C19orf38: variants seen among roughly 807,000 people sequenced by gnomAD.
C19orf38 encodes the protein chromosome 19 open reading frame 38.
Under a neutral mutation model 26.6 loss-of-function variants are expected in C19orf38, and 14 were observed. That is an observed-to-expected ratio of 0.53 (90% CI 0.35 to 0.82). C19orf38 has a LOEUF of 0.82. Ranked by LOEUF, C19orf38 falls within the 40% of genes least tolerant of loss-of-function variation. The pLI, the probability that C19orf38 is intolerant of heterozygous loss-of-function variation, is 0.01. For synonymous variants in C19orf38, 132 were observed against 128.5 expected (o/e 1.03, Z -0.18); for missense variants, 261 against 299.5 (o/e 0.87, Z 0.95).
At chr19:10,855,621 C>T (rs139500334) in intron 2 of C19orf38, among the ~76,000 whole-genome samples, 125 of 152,022 alleles carry the variant, frequency 8.2e-4, no homozygotes, top group Non-Finnish European at 1.4e-3. Context: ...CTCCGCCTCC[C>T]GGGTTCAAGT....
intron 1 of C19orf38, among the ~76,000 whole-genome samples, chr19:10,849,254 C>T (rs2073545211): frequency 6.6e-6 from 1 of 152,172 alleles, no homozygotes; most frequent in African/African-American, 2.4e-5. Context: ...TTCCTGGGCT[C>T]AAGCAGTCCT....
upstream of C19orf38, among the ~76,000 whole-genome samples, chr19:10,847,894 TAGA>T (rs1318370884): frequency 6.6e-6 from 1 of 151,814 alleles, no homozygotes; most frequent in Non-Finnish European, 1.5e-5. Flanking sequence ...GGAGTTCTCT[TAGA>T]AGGAGAGACA....
chr19:10,850,502 T>C lies in C19orf38; in HGVS notation c.275T>C (p.Val92Ala). The C allele has an allele frequency of 6.4e-7, 1 of 1,550,962 alleles. No individual in the cohort carries two copies. Among genetic ancestry groups the C allele is most frequent in the Non-Finnish European group, 8.7e-7 (1 of 1,146,820 alleles). ...PGGPFHCQYG[V>A]LGELNQSQLS... ...GGACCCTTCCACTGCCAGTATGGAG[T>C]GTTAGGTGAGCTCAACCAGTCCCAG... The change falls in exon 2 of 7, where the codon GTG becomes GCG. Residue 92 changes from valine to alanine, a missense_variant. By Grantham distance (64) the Val-to-Ala change is moderately conservative (BLOSUM62 0). Transcript: ENST00000397820.
At chr19:10,842,064 G>T (rs1292913995) in intron 1 of C19orf38, 2 of 1,603,528 alleles carry the variant, frequency 1.2e-6, no homozygotes, top group African/African-American at 1.3e-5. Context: ...AATTTCAGTG[G>T]AATTATTGGA....
intron 1 of C19orf38, among the ~76,000 whole-genome samples, chr19:10,840,483 A>C (rs2073470834): frequency 6.6e-6 from 1 of 151,532 alleles, no homozygotes; most frequent in African/African-American, 2.4e-5. Context: ...AATTTTTGTA[A>C]TTATAATAAA....
upstream of C19orf38, among the ~76,000 whole-genome samples, chr19:10,847,862 C>T (rs2073530653): frequency 6.6e-6 from 1 of 152,098 alleles, no homozygotes; most frequent in Admixed American, 6.6e-5. Context: ...CATCCCACTG[C>T]TGTCACCCTG....
intron 1 of C19orf38, among the ~76,000 whole-genome samples, chr19:10,849,149 T>G (rs2073544248): frequency 6.8e-6 from 1 of 146,132 alleles, no homozygotes; most frequent in African/African-American, 2.5e-5. Context: ...CCCTCCCTCC[T>G]GCCATGATGG....
chr19:10,839,728 G>A lies in C19orf38; in HGVS notation c.-69+2958G>A, dbSNP rs908890527. ...ACATACCACAATCAATTTTTCTTTT[G>A]TTCTTTTTTTTTTTTTTTTTGAGAC... On this transcript the variant is annotated intron_variant, in intron 1 of 7. Coordinates refer to the C19orf38 transcript ENST00000592854. 1.4e-5 allele frequency among the ~76,000 whole-genome samples: 2 copies of A among 141,214 alleles called. 1 individual carries two copies. Among genetic ancestry groups the A allele is most frequent in the South Asian group, 4.5e-4 (2 of 4,482 alleles). The allele number at this position is 141,214 out of a possible 152,430, so 92.6% of individuals were successfully genotyped here.
In C19orf38 at chr19:10,848,528, T is replaced by C. The variant is rs1463532025; in HGVS notation, c.20T>C (p.Leu7Pro). 2.6e-6 allele frequency: 4 copies of C among 1,551,460 alleles called. No homozygotes were observed. Among genetic ancestry groups the C allele is most frequent in the African/African-American group, 1.4e-5 (1 of 73,024 alleles). ...AGAGAGATGCCCTGGACCATCTTGCTCTTTGCAGCTGGTGAGTCTGAAGCC... is the reference window on the plus strand; with the variant it reads ...AGAGAGATGCCCTGGACCATCTTGCCCTTTGCAGCTGGTGAGTCTGAAGCC... The part of the protein sequence containing the change: MPWTIL[L>P]FAAGSLAIPA... The change falls in exon 1 of 7, where the codon CTC becomes CCC. Residue 7 changes from leucine to proline, a missense_variant. Transcript: ENST00000397820.
At position 10,850,543 on chromosome 19, in the gene C19orf38, G is replaced by A. The variant is rs79573242; in HGVS notation, c.316G>A (p.Glu106Lys). Residue 106 changes from glutamate to lysine, a missense_variant, in exon 2 of 7, where the codon GAG becomes AAG. Physicochemically the swap from Glu to Lys is moderately conservative, Grantham distance 56. Transcript: ENST00000397820. ...LNQSQLSDLS[E>K]PVNVSFPVPT... ...CCAGTCCCAGCTGTCAGACCTCAGCGAGCCCGTGAACGTCTCCTTCCCAGG... is the reference window on the plus strand; with the variant it reads ...CCAGTCCCAGCTGTCAGACCTCAGCAAGCCCGTGAACGTCTCCTTCCCAGG... 7.7e-6 allele frequency: 12 copies of A among 1,551,550 alleles called. No individual in the cohort carries two copies. Among genetic ancestry groups the A allele is most frequent in the South Asian group, 7.1e-5 (6 of 84,060 alleles).
chr19:10,848,429 C>A lies in C19orf38; in HGVS notation c.-80C>A. ...CAGCCCTGGTTCTCCTTTCCCCGAT[C>A]TGGCCTCACAGGAGGAGTTGGCGGG... On this transcript the variant is annotated 5_prime_UTR_variant, in exon 1 of 7. The change creates a new upstream start codon in the 5' untranslated region. Transcript: ENST00000397820. The A allele has an allele frequency of 6.9e-7, 1 of 1,446,710 alleles. No individual in the cohort carries two copies. Among genetic ancestry groups the A allele is most frequent in the Non-Finnish European group, 9.5e-7 (1 of 1,052,764 alleles). The allele number at this position is 1,446,710 out of a possible 1,614,324, so 89.6% of individuals were successfully genotyped here.
At chr19:10,857,667 G>C (rs1599666556) in intron 3 of C19orf38, among the ~76,000 whole-genome samples, 1 of 151,782 alleles carries the variant, frequency 6.6e-6, no homozygotes. Context: ...CAGATCGCGA[G>C]GTCAGGAGTT....
At chr19:10,856,125 A>G (rs2073622836) in intron 2 of C19orf38, 140 bp from the exon 3 acceptor site, 1 of 632,204 alleles carries the variant, frequency 1.6e-6, no homozygotes, top group African/African-American at 1.8e-5. Context: ...AATTGGCCAG[A>G]CACAAAGTTT....
At chr19:10,853,547 A>G (rs1245442473) in intron 2 of C19orf38, among the ~76,000 whole-genome samples, 1 of 150,524 alleles carries the variant, frequency 6.6e-6, no homozygotes, top group Non-Finnish European at 1.5e-5. Context: ...CGGCCTCACA[A>G]AGTGCTGGAA....
chr19:10,853,719 G>C (rs1204146762), intron 2 of C19orf38, among the ~76,000 whole-genome samples: 1 of 150,734 alleles, frequency 6.6e-6, no homozygotes. Context: ...AGCCTCCCGA[G>C]TAGCTGGGAC....
At chr19:10,841,341 G>A (rs576464166) in intron 1 of C19orf38, among the ~76,000 whole-genome samples, 242 of 152,168 alleles carry the variant, frequency 1.6e-3, no homozygotes, top group African/African-American at 5.6e-3. Flanking sequence ...ATATTAGCCA[G>A]TTGTGGTGGC....
At chr19:10,842,212 A>G (rs1306852644) in intron 1 of C19orf38, 4 of 1,358,612 alleles carry the variant, frequency 2.9e-6, no homozygotes, top group Non-Finnish European at 4.2e-6. Flanking sequence ...GAAAACTTTC[A>G]GTGATGACTA....
upstream of C19orf38, among the ~76,000 whole-genome samples, chr19:10,847,692 A>G (rs889100914): frequency 2.6e-5 from 4 of 151,986 alleles, no homozygotes; most frequent in African/African-American, 7.2e-5. Context: ...TCTTAGCCCC[A>G]TTCTGCAGAG....
At chr19:10,856,963 ATTAT>A (rs2073632089) in intron 3 of C19orf38, among the ~76,000 whole-genome samples, 3 of 151,574 alleles carry the variant, frequency 2.0e-5, no homozygotes, top group Non-Finnish European at 1.5e-5. Context: ...CATGCAGCTA[ATTAT>A]TTATTTATTT....
Sources: gnomAD v4.1 joint callset for allele counts (sites outside exome capture counted in the v4.1 genomes callset) on GRCh38, gnomAD v4.1.1 for gene constraint, MANE v1.5 for transcripts, NCBI Gene and HGNC (gene_info 2026-07-23, HGNC 2026-07-21) for gene names.